The following DLGAP2 variants were observed in gnomAD, a reference collection of about 807,000 sequenced individuals.
DLGAP2 encodes disks large-associated protein 2.
DLGAP2 carries 26 observed loss-of-function variants against 100.3 expected under a neutral mutation model. That is an observed-to-expected ratio of 0.26 (90% CI 0.19 to 0.36). DLGAP2 has a LOEUF of 0.36. Among genes scored for constraint, DLGAP2 ranks in the 10% least tolerant of loss-of-function variants. DLGAP2 has a pLI of 1.00. For missense variants in DLGAP2, 1,858 were observed against 1,453.2 expected (o/e 1.28, Z -4.53); for synonymous variants, 886 against 630.1 (o/e 1.41, Z -6.08).
intron 2 of DLGAP2, among the ~76,000 whole-genome samples, chr8:1,225,945 T>C (rs1489647765): frequency 6.6e-6 from 1 of 152,150 alleles, no homozygotes; most frequent in African/African-American, 2.4e-5. Context: ...ATATATATAA[T>C]TTTTCCTTTT....
At chr8:809,526 C>T (rs917093069) in intron 1 of DLGAP2, among the ~76,000 whole-genome samples, 9 of 151,466 alleles carry the variant, frequency 5.9e-5, no homozygotes, top group Non-Finnish European at 1.0e-4. Context: ...CCCATTTACA[C>T]AGCATGAGTC....
chr8:1,228,088 G>C (rs375636477), intron 2 of DLGAP2, among the ~76,000 whole-genome samples: 195 of 151,736 alleles, frequency 1.3e-3, no homozygotes, highest in Non-Finnish European at 2.1e-3. Context: ...TGGGGTGGGG[G>C]AATGGGGGAG....
At chr8:815,283 A>G (rs1254857781) in intron 1 of DLGAP2, among the ~76,000 whole-genome samples, 1 of 152,164 alleles carries the variant, frequency 6.6e-6, no homozygotes, top group Admixed American at 6.5e-5. Context: ...CTCTGAAGGG[A>G]GGAGCACTGT....
chr8:1,286,555 G>C (rs1799926245), intron 3 of DLGAP2, among the ~76,000 whole-genome samples: 1 of 152,148 alleles, frequency 6.6e-6, no homozygotes, highest in East Asian at 1.9e-4. Context: ...GGATGCGGAG[G>C]TGCTTGACAG....
chr8:1,227,231 T>TAC (rs978388493), intron 2 of DLGAP2, among the ~76,000 whole-genome samples: 1 of 138,674 alleles, frequency 7.2e-6, no homozygotes, highest in Non-Finnish European at 1.5e-5. Flanking sequence ...ATTTGTTTTA[T>TAC]ACACACACAC....
chr8:997,865 C>G (rs952693839), intron 2 of DLGAP2, among the ~76,000 whole-genome samples: 1 of 106,896 alleles, frequency 9.4e-6, no homozygotes, highest in Admixed American at 8.2e-5. Flanking sequence ...CACATACACA[C>G]AAACACACAT....
intron 3 of DLGAP2, among the ~76,000 whole-genome samples, chr8:1,277,644 T>A (rs899867306): frequency 6.6e-6 from 1 of 152,132 alleles, no homozygotes; most frequent in Non-Finnish European, 1.5e-5. Flanking sequence ...CAGGTCAGTA[T>A]CTGAGTATCC....
intron 2 of DLGAP2, among the ~76,000 whole-genome samples, chr8:955,727 A>G (rs1014082535): frequency 5.3e-5 from 8 of 152,256 alleles, no homozygotes; most frequent in East Asian, 1.9e-4. Context: ...AAAGTCTTAC[A>G]TGAATTTTAA....
intron 2 of DLGAP2, among the ~76,000 whole-genome samples, chr8:1,098,225 C>T (rs1025154336): frequency 7.2e-5 from 11 of 152,364 alleles, no homozygotes; most frequent in East Asian, 1.9e-4. Flanking sequence ...GAAACTCCTC[C>T]GCACACCAGT....
At chr8:741,711 A>G (rs73178894) in intron 1 of DLGAP2, among the ~76,000 whole-genome samples, 21,032 of 152,268 alleles carry the variant, frequency 0.14, 1,753 homozygotes, top group Middle Eastern at 0.25. Context: ...GGCAGCAGCC[A>G]GCTCCCCTTA....
At chr8:892,525 G>A (rs1798057196) in intron 1 of DLGAP2, among the ~76,000 whole-genome samples, 1 of 152,030 alleles carries the variant, frequency 6.6e-6, no homozygotes, top group Admixed American at 6.5e-5. Flanking sequence ...AGTAGAATGG[G>A]GGGTGCCAGG....
At chr8:937,849 C>T (rs149289615) in intron 2 of DLGAP2, among the ~76,000 whole-genome samples, 111 of 152,276 alleles carry the variant, frequency 7.3e-4, no homozygotes, top group African/African-American at 2.5e-3. Flanking sequence ...CTACGGACGC[C>T]TCCAAGTTCA....
chr8:890,237 C>T (rs1360885838), intron 1 of DLGAP2, among the ~76,000 whole-genome samples: 1 of 152,134 alleles, frequency 6.6e-6, no homozygotes, highest in Non-Finnish European at 1.5e-5. Context: ...GTTTCTGATA[C>T]AGACATTAAG....
In DLGAP2 at chr8:1,705,306, G is replaced by A. The variant is rs1169045450; in HGVS notation, c.*3900G>A. On this transcript the variant is annotated 3_prime_UTR_variant, in exon 15 of 15. Coordinates refer to ENST00000637795, the MANE Select transcript of DLGAP2 (RefSeq NM_001346810.2). ...ATGAAGGGGCCAGGGGACCTCCTGG[G>A]AGATGCAGCTTTTGTTTCCGCTGCG... 1.3e-5 allele frequency: 2 copies of A among 152,248 alleles called. No individual in the cohort carries two copies. Among genetic ancestry groups the A allele is most frequent in the African/African-American group, 4.8e-5 (2 of 41,462 alleles). 9.4% of individuals were successfully genotyped at this position (152,248 alleles called of 1,614,324 possible).
intron 1 of DLGAP2, among the ~76,000 whole-genome samples, chr8:844,397 T>G (rs1270320035): frequency 6.6e-6 from 1 of 152,184 alleles, no homozygotes; most frequent in Non-Finnish European, 1.5e-5. Context: ...AACAAAGAAA[T>G]ATTGGTAGAC....
intron 3 of DLGAP2, among the ~76,000 whole-genome samples, chr8:1,336,203 T>C (rs17748002): frequency 0.18 from 27,011 of 152,248 alleles, 2,677 homozygotes; most frequent in African/African-American, 0.23. Context: ...ATGAATGGTT[T>C]TGAATGTAAC....
intron 2 of DLGAP2, chr8:1,002,922 ACACT>A (rs1272897101): frequency 3.9e-5 from 6 of 152,258 alleles, no homozygotes; most frequent in Non-Finnish European, 7.3e-5. Context: ...AATCAGGTTA[ACACT>A]CATTAAATAA....
intron 3 of DLGAP2, among the ~76,000 whole-genome samples, chr8:1,382,959 G>T (rs1211821229): frequency 6.6e-6 from 1 of 152,270 alleles, no homozygotes; most frequent in South Asian, 2.1e-4. Context: ...CCTAATCAAT[G>T]AGAAATTATA....
At chr8:738,127 T>G in intron 1 of DLGAP2, 1 of 202,916 alleles carries the variant, frequency 4.9e-6, no homozygotes, top group Non-Finnish European at 9.8e-6. Flanking sequence ...AGGTGTGAAA[T>G]TCTCCGCTCT....
Sources: gnomAD v4.1 joint callset for allele counts (sites outside exome capture counted in the v4.1 genomes callset) on GRCh38, gnomAD v4.1.1 for gene constraint, MANE v1.5 for transcripts, NCBI Gene and HGNC (gene_info 2026-07-23, HGNC 2026-07-21) for gene names.